DIP2C: variants seen among roughly 807,000 people sequenced by gnomAD.
DIP2C encodes disco-interacting protein 2 homolog C.
Under a neutral mutation model 192.4 loss-of-function variants are expected in DIP2C, and 33 were observed. The observed-to-expected ratio is 0.17, with a 90% CI of 0.13 to 0.23. DIP2C has a LOEUF of 0.23. Ranked by LOEUF, DIP2C falls within the 10% of genes least tolerant of loss-of-function variation. DIP2C has a pLI of 1.00. For missense variants in DIP2C, 1,537 were observed against 2,110.1 expected (o/e 0.73, Z 5.32); for synonymous variants, 979 against 864.1 (o/e 1.13, Z -2.33).
rs1347721961 is a variant in DIP2C at position 413,898 on chromosome 10, G to A, written c.1057+15C>T. On this transcript the variant is annotated intron_variant, in intron 8 of 36. Transcript: ENST00000280886. ...AGGGGGTGGGCAAAGGGCAGAGAGT[G>A]AGCCTGGGGATTACCGTAAGTGAGG... The A allele has an allele frequency of 4.3e-6, 7 of 1,610,816 alleles. No individual in the cohort carries two copies. The highest frequency in any genetic ancestry group is 3.3e-5 in the Admixed American group (2 of 59,874).
chr10:577,218 A>G (rs988099765), intron 1 of DIP2C, among the ~76,000 whole-genome samples: 31 of 152,354 alleles, frequency 2.0e-4, no homozygotes, highest in African/African-American at 7.2e-4. Context: ...GCACTGACAC[A>G]TGGTACAAGA....
intron 1 of DIP2C, among the ~76,000 whole-genome samples, chr10:621,835 T>C (rs916344853): frequency 1.3e-5 from 2 of 152,076 alleles, no homozygotes; most frequent in African/African-American, 2.4e-5. Flanking sequence ...AAACAAGAGG[T>C]TGACATGGCT....
intron 29 of DIP2C, among the ~76,000 whole-genome samples, chr10:336,201 T>C (rs866602952): frequency 6.6e-6 from 1 of 152,184 alleles, no homozygotes; most frequent in Non-Finnish European, 1.5e-5. Flanking sequence ...AGACGCCATC[T>C]CTAAAAAAAA....
At chr10:369,821 A>G in intron 17 of DIP2C, 188 bp from the exon 18 acceptor site, 8 of 1,296,554 alleles carry the variant, frequency 6.2e-6, no homozygotes, top group Non-Finnish European at 8.4e-6. Flanking sequence ...GCTGGCAGCG[A>G]GTCTACTGCT....
chr10:285,224 G>A (rs1046025111), intron 34 of DIP2C, among the ~76,000 whole-genome samples: 28 of 151,684 alleles, frequency 1.8e-4, no homozygotes, highest in Admixed American at 7.2e-4. Context: ...GGGAGGGCTT[G>A]CTCATTGGTC....
At chr10:618,757 G>A (rs956310552) in intron 1 of DIP2C, among the ~76,000 whole-genome samples, 6 of 152,258 alleles carry the variant, frequency 3.9e-5, no homozygotes, top group East Asian at 3.9e-4. Context: ...ACAATACCCC[G>A]TGACCTCGGT....
chr10:294,645 CAA>C (rs1955661351), intron 32 of DIP2C, among the ~76,000 whole-genome samples: 2 of 151,178 alleles, frequency 1.3e-5, no homozygotes, highest in Admixed American at 1.3e-4. Flanking sequence ...GTTTCTGTGG[CAA>C]AGAGTGGGAT....
At position 363,420 on chromosome 10, in the gene DIP2C, T is replaced by C. The variant is rs1589612619; in HGVS notation, c.2478-109A>G. The C allele has an allele frequency of 4.5e-6, 4 of 891,792 alleles. No homozygotes were observed. Among genetic ancestry groups the C allele is most frequent in the Non-Finnish European group, 3.5e-6 (2 of 572,420 alleles). 55.2% of individuals were successfully genotyped at this position (891,792 alleles called of 1,614,324 possible). On this transcript the variant is annotated intron_variant, in intron 20 of 36. Coordinates refer to ENST00000280886, the MANE Select transcript of DIP2C (RefSeq NM_014974.3). This position sits in a 1 kb window ranked among gnomAD's most constrained non-coding sequence, Gnocchi z 5.4. ...CACTAGTGAGTGACACAGCTCCAAC[T>C]ACGACTTCAAAACGGCCGCTGTACT...
intron 1 of DIP2C, among the ~76,000 whole-genome samples, chr10:593,415 TCACCC>T (rs1446736849): frequency 6.8e-6 from 1 of 147,684 alleles, no homozygotes; most frequent in East Asian, 2.0e-4. Flanking sequence ...CCTTCACACC[TCACCC>T]CCGCTGTCTC....
chr10:415,597 C>T (rs760955069), intron 7 of DIP2C, among the ~76,000 whole-genome samples, 172 bp downstream of exon 7: 1 of 152,114 alleles, frequency 6.6e-6, no homozygotes, highest in African/African-American at 2.4e-5. Context: ...AGAGACCTGC[C>T]GACACCAAGG....
At chr10:420,357 G>T (rs189597838) in intron 5 of DIP2C, among the ~76,000 whole-genome samples, 46 of 152,342 alleles carry the variant, frequency 3.0e-4, no homozygotes, top group Non-Finnish European at 7.4e-5. Flanking sequence ...GTGTCAGTCC[G>T]GTGTCACAAG....
At position 559,523 on chromosome 10, in the gene DIP2C, CTA is replaced by C. The variant is rs138527608; in HGVS notation, c.86-72995_86-72994del. Among the ~76,000 whole-genome samples the C allele has an allele frequency of 2.0e-5, 3 of 152,340 alleles. No homozygotes were observed. The East Asian group carries it at 5.8e-4, about 29-fold the overall frequency. Reference sequence around the variant, plus strand: ...CCTTCCCTCATGTTAAAATCAACAACTATATATGGCTGCTGACAGCACCTCAG... The same window carrying C: ...CCTTCCCTCATGTTAAAATCAACAACTATATGGCTGCTGACAGCACCTCAG... On this transcript the variant is annotated intron_variant, in intron 1 of 36. Coordinates refer to ENST00000280886, the MANE Select transcript of DIP2C (RefSeq NM_014974.3).
At chr10:580,411 G>T (rs975602717) in intron 1 of DIP2C, among the ~76,000 whole-genome samples, 4 of 150,764 alleles carry the variant, frequency 2.7e-5, no homozygotes, top group African/African-American at 1.0e-4. Flanking sequence ...TACCCATATG[G>T]TGTATGTACA....
intron 14 of DIP2C, among the ~76,000 whole-genome samples, chr10:385,206 T>G (rs1235626073): frequency 1.5e-4 from 23 of 150,828 alleles, no homozygotes; most frequent in Non-Finnish European, 1.0e-4. Flanking sequence ...TGCACAGGCC[T>G]GGAGGAGGAG....
At chr10:593,272 TA>T (rs1851506677) in intron 1 of DIP2C, among the ~76,000 whole-genome samples, 1 of 152,252 alleles carries the variant, frequency 6.6e-6, no homozygotes, top group Non-Finnish European at 1.5e-5. Context: ...CCCACTTTCC[TA>T]AATCTGACTT....
chr10:380,108 C>T (rs941350619), intron 17 of DIP2C, among the ~76,000 whole-genome samples: 40 of 150,946 alleles, frequency 2.6e-4, no homozygotes, highest in Non-Finnish European at 5.0e-4. Context: ...AGAGGCTGTC[C>T]CTGGAAGATG....
chr10:324,617 A>G (rs1242508383), intron 31 of DIP2C: 2 of 181,580 alleles, frequency 1.1e-5, no homozygotes, highest in African/African-American at 2.4e-5. Context: ...CCAAGATTGC[A>G]AAATAACGCC....
intron 1 of DIP2C, among the ~76,000 whole-genome samples, chr10:506,879 A>G (rs1845626534): frequency 6.6e-6 from 1 of 152,098 alleles, no homozygotes; most frequent in Non-Finnish European, 1.5e-5. Flanking sequence ...ATGGTCACAC[A>G]CTGTGCACAG....
intron 1 of DIP2C, among the ~76,000 whole-genome samples, chr10:488,981 A>C (rs938105599): frequency 2.0e-5 from 3 of 152,164 alleles, no homozygotes; most frequent in Non-Finnish European, 4.4e-5. Context: ...ACCTGGGCAG[A>C]CGCGGGGTGA....
Sources: allele counts gnomAD v4.1 joint callset (sites outside exome capture counted in the v4.1 genomes callset), GRCh38; gene constraint gnomAD v4.1.1; non-coding constraint Gnocchi (gnomAD v3.1); transcripts MANE v1.5; gene names NCBI Gene and HGNC (gene_info 2026-07-23, HGNC 2026-07-21).